EXT1: variants seen among roughly 807,000 people sequenced by gnomAD.
EXT1 encodes exostosin-1.
Under a neutral mutation model 82.5 loss-of-function variants are expected in EXT1, and 20 were observed. The ratio of observed to expected loss-of-function variants is 0.24; its 90% CI spans 0.17 to 0.35. EXT1 has a LOEUF of 0.35. EXT1 is among the 10% of genes least tolerant of loss of function. EXT1 has a pLI of 1.00. For synonymous variants in EXT1, 348 were observed against 350.8 expected, an observed-to-expected ratio of 0.99 and a Z score of 0.09; for missense variants, 757 against 936.5, an observed-to-expected ratio of 0.81 and a Z score of 2.50.
chr8:117,933,625 C>T (rs930539876), intron 1 of EXT1, among the ~76,000 whole-genome samples: 12 of 152,104 alleles, frequency 7.9e-5, no homozygotes, highest in African/African-American at 2.4e-4. Context: ...ATATAAGCAC[C>T]GTGAGTACTG....
chr8:117,980,581 C>T (rs1275988161), intron 1 of EXT1, among the ~76,000 whole-genome samples: 4 of 152,050 alleles, frequency 2.6e-5, no homozygotes, highest in East Asian at 1.9e-4. Context: ...AAATCCCACT[C>T]GGAAAGTTTG....
chr8:117,859,525 T>C (rs1293963802), intron 1 of EXT1, among the ~76,000 whole-genome samples: 1 of 152,170 alleles, frequency 6.6e-6, no homozygotes, highest in Non-Finnish European at 1.5e-5. Flanking sequence ...TAGTGCAAGT[T>C]AAAGGTATAA....
At position 117,829,569 on chromosome 8, in the gene EXT1, C is replaced by CTTT. The variant is rs35823668; in HGVS notation, c.1284+658_1284+660dup. ...TTACTTGGCCATTATATATATTTTT[C>CTTT]TTTTTTTTTTTTTTTTTTTTTGAGG... On this transcript the variant is annotated intron_variant, in intron 4 of 10. Coordinates refer to ENST00000378204, the MANE Select transcript of EXT1 (RefSeq NM_000127.3). Among the ~76,000 whole-genome samples the CTTT allele has an allele frequency of 4.3e-3, 415 of 96,828 alleles. 5 individuals carry two copies. The highest frequency in any genetic ancestry group is 5.0e-3 in the Non-Finnish European group (236 of 47,574). 63.5% of individuals were successfully genotyped at this position (96,828 alleles called of 152,430 possible).
chr8:117,822,674 C>T (rs865791767), intron 4 of EXT1, 77 bp from the exon 5 acceptor site: 23 of 1,558,592 alleles, frequency 1.5e-5, no homozygotes, highest in Middle Eastern at 2.1e-4. Flanking sequence ...AATCCAAATT[C>T]GAAAGATGGT....
intron 1 of EXT1, among the ~76,000 whole-genome samples, chr8:117,920,529 T>A (rs1813836135): frequency 6.6e-6 from 1 of 152,184 alleles, no homozygotes. Context: ...ACGGGCAACA[T>A]TTTCATTTAA....
chr8:117,988,603 G>A (rs1015859531), intron 1 of EXT1, among the ~76,000 whole-genome samples: 20 of 152,154 alleles, frequency 1.3e-4, no homozygotes, highest in African/African-American at 4.8e-4. Flanking sequence ...GGAAAACAGT[G>A]CAGGCCTGAG....
chr8:117,825,135 G>A (rs17430154), intron 4 of EXT1, among the ~76,000 whole-genome samples: 13,515 of 152,174 alleles, frequency 0.089, 758 homozygotes, highest in African/African-American at 0.16. Context: ...GCCTCCCAAA[G>A]TGTTGGGACT....
At chr8:117,891,297 C>T (rs545216367) in intron 1 of EXT1, among the ~76,000 whole-genome samples, 1 of 152,304 alleles carries the variant, frequency 6.6e-6, no homozygotes, top group East Asian at 1.9e-4. Flanking sequence ...TTTTCCTAAA[C>T]ATTTTGATTA....
intron 1 of EXT1, among the ~76,000 whole-genome samples, chr8:117,907,042 GCA>G (rs5894402): frequency 0.56 from 85,680 of 151,772 alleles, 24,621 homozygotes; most frequent in Middle Eastern, 0.66. Context: ...GGCTGACCAT[GCA>G]CATTCACTTA....
chr8:117,955,990 C>G (rs1364465043), intron 1 of EXT1, among the ~76,000 whole-genome samples: 1 of 152,118 alleles, frequency 6.6e-6, no homozygotes, highest in African/African-American at 2.4e-5. Flanking sequence ...AAACAATACT[C>G]AAAAAGATGG....
At chr8:117,975,277 G>T (rs774183860) in intron 1 of EXT1, among the ~76,000 whole-genome samples, 1 of 152,178 alleles carries the variant, frequency 6.6e-6, no homozygotes, top group African/African-American at 2.4e-5. Context: ...TATCAAGAGT[G>T]ATTTTCTGGT....
rs1554598122 is a variant in EXT1 at position 118,066,366 on chromosome 8, T to TTATG, written c.962+43718_962+43719insCATA. ...TTTATTTATTTATTTATTTATTTAT[T>TTATG]TATTTATTTATTAGACAGAGTCTCA... On this transcript the variant is annotated intron_variant, in intron 1 of 10. Coordinates refer to ENST00000378204, the MANE Select transcript of EXT1 (RefSeq NM_000127.3). Among the ~76,000 whole-genome samples the TTATG allele has an allele frequency of 8.1e-4, 123 of 151,550 alleles. 1 individual carries two copies. Among genetic ancestry groups the TTATG allele is most frequent in the African/African-American group, 2.9e-3 (118 of 41,300 alleles).
chr8:118,098,683 C>T (rs1436186621), intron 1 of EXT1, among the ~76,000 whole-genome samples: 1 of 150,238 alleles, frequency 6.7e-6, no homozygotes, highest in Non-Finnish European at 1.5e-5. Context: ...GGCATGAACC[C>T]GGGAGGCGGA....
chr8:118,032,921 T>C (rs1356852706), intron 1 of EXT1, among the ~76,000 whole-genome samples: 1 of 152,164 alleles, frequency 6.6e-6, no homozygotes, highest in East Asian at 1.9e-4. Context: ...CTAGGTACAT[T>C]CTTTTCACTT....
chr8:117,989,628 G>A (rs1815394167), intron 1 of EXT1, among the ~76,000 whole-genome samples: 1 of 152,162 alleles, frequency 6.6e-6, no homozygotes. Context: ...AGTCATACTG[G>A]TATCTTAGGA....
At chr8:117,968,553 A>ATTTTTTTTT (rs1182180428) in intron 1 of EXT1, among the ~76,000 whole-genome samples, 14 of 9,284 alleles carry the variant, frequency 1.5e-3, no homozygotes, top group East Asian at 6.0e-3. Context: ...TTATTTATTT[A>ATTTTTTTTT]TTTTTTTTTT....
At position 118,110,745 on chromosome 8, in the gene EXT1, T is replaced by C. The variant is rs1384997375; in HGVS notation, c.302A>G (p.Glu101Gly). The change falls in exon 1 of 11, where the codon GAG (glutamate) becomes GGG (glycine). Residue 101 changes from glutamate (E) to glycine (G), a missense_variant. Transcript: ENST00000378204. ...GCAAAGGGTGAAATCGAAGCAGGACTCCATGCGGCACTTCTTGCCTTTGTA... is the reference window on the plus strand; with the variant it reads ...GCAAAGGGTGAAATCGAAGCAGGACCCCATGCGGCACTTCTTGCCTTTGTA... ...SIYKGKKCRM[E>G]SCFDFTLCKK... 1.3e-5 allele frequency: 21 copies of C among 1,614,078 alleles called. No homozygotes were observed. The highest frequency in any genetic ancestry group is 1.7e-5 in the Non-Finnish European group (20 of 1,180,046).
chr8:118,100,400 G>A (rs773017081), intron 1 of EXT1, among the ~76,000 whole-genome samples: 7 of 152,132 alleles, frequency 4.6e-5, no homozygotes, highest in Non-Finnish European at 7.4e-5. Context: ...CAGTAGCTGA[G>A]CTCCACTCAC....
chr8:118,079,046 T>A (rs1229195477), intron 1 of EXT1, among the ~76,000 whole-genome samples: 1 of 152,176 alleles, frequency 6.6e-6, no homozygotes, highest in African/African-American at 2.4e-5. Flanking sequence ...GCTATAAAAA[T>A]GTTACTAAAA....
Sources: allele counts gnomAD v4.1 joint callset (sites outside exome capture counted in the v4.1 genomes callset), GRCh38; gene constraint gnomAD v4.1.1; transcripts MANE v1.5; gene names NCBI Gene and HGNC (gene_info 2026-07-23, HGNC 2026-07-21).